Variants in DNAH14 observed in about 807,000 individuals in gnomAD.
DNAH14 encodes axonemal beta dynein heavy chain 14.
Under a neutral mutation model 520.9 loss-of-function variants are expected in DNAH14, and 478 were observed. That is an observed-to-expected ratio of 0.92 (90% confidence interval 0.85 to 0.99). The LOEUF (loss-of-function observed/expected upper bound fraction) is 0.99. Among genes scored for constraint, DNAH14 ranks in the 50% least tolerant of loss-of-function variants. The probability of loss-of-function intolerance (pLI) is 0.00; values close to 1 mark genes in which losing one functional copy is unlikely to be tolerated. For synonymous variants in DNAH14, 1,581 were observed against 1,757.2 expected (o/e 0.90, Z 2.51); for missense variants, 4,831 against 5,234.5 (o/e 0.92, Z 2.38).
chr1:225,268,752 C>A (rs2093209677), intron 49 of DNAH14, among the ~76,000 whole-genome samples: 1 of 152,026 alleles, frequency 6.6e-6, no homozygotes, highest in Non-Finnish European at 1.5e-5. Context: ...AATAAAATAC[C>A]TAGGAATCCA....
rs925245855 is a variant in DNAH14 at position 225,340,648 on chromosome 1, T to C, written c.10625T>C (p.Ile3542Thr). The change falls in exon 69 of 86, where the codon ATA (isoleucine) becomes ACA (threonine). Residue 3542 changes from isoleucine (I) to threonine (T), a missense_variant. By Grantham distance (89) the Ile-to-Thr change is moderately conservative. Coordinates refer to ENST00000682510, the MANE Select transcript of DNAH14 (RefSeq NM_001367479.1). ...CTGGAGAGTATTTCCCTTGATGCCATAACTCTTGAAGAACTAGAGGAAAAA... is the reference window on the plus strand; with the variant it reads ...CTGGAGAGTATTTCCCTTGATGCCACAACTCTTGAAGAACTAGAGGAAAAA... ...KLLESISLDAITLEELEEKTL... is the reference protein window; with the variant it reads ...KLLESISLDATTLEELEEKTL... 1.1e-5 allele frequency: 17 copies of C among 1,551,298 alleles called. No individual in the cohort carries two copies. The Admixed American group carries it at 3.1e-4, about 29-fold the overall frequency.
chr1:225,374,264 A>ATTTT (rs1314928550), intron 77 of DNAH14, among the ~76,000 whole-genome samples: 6 of 66,412 alleles, frequency 9.0e-5, no homozygotes, highest in African/African-American at 2.8e-4. Flanking sequence ...ATATATATAT[A>ATTTT]TATATATTTT....
intron 7 of DNAH14, chr1:224,969,794 A>G (rs1174411645): frequency 6.3e-6 from 1 of 159,018 alleles, no homozygotes; most frequent in South Asian, 2.0e-4. Flanking sequence ...TGAAGATTTC[A>G]TGGATACTTA....
chr1:224,967,034 C>A (rs2061213760), intron 5 of DNAH14, among the ~76,000 whole-genome samples: 1 of 152,062 alleles, frequency 6.6e-6, no homozygotes, highest in Non-Finnish European at 1.5e-5. Flanking sequence ...TTATACCAAA[C>A]CACCATCATT....
intron 42 of DNAH14, among the ~76,000 whole-genome samples, chr1:225,235,512 T>C (rs1372381127): frequency 1.3e-5 from 2 of 152,144 alleles, no homozygotes; most frequent in African/African-American, 2.4e-5. Context: ...TTTTTTGTTA[T>C]ATCTCTGCCA....
In DNAH14 at chr1:225,389,566, A is replaced by G. The variant is rs368972932; in HGVS notation, c.13191-168A>G. Among the ~76,000 whole-genome samples the G allele has an allele frequency of 7.9e-5, 12 of 152,294 alleles. No individual in the cohort carries two copies. The South Asian group carries it at 2.5e-3, about 32-fold the overall frequency. ...CTTTGTGGTCCCCTTTTCCCTCATG[A>G]GCTTAAAACCATAGCTGGCTTCCAT... On this transcript the variant is annotated intron_variant, in intron 82 of 85. Coordinates refer to ENST00000682510, the MANE Select transcript of DNAH14 (RefSeq NM_001367479.1).
chr1:225,393,826 T>G (rs1056338911), intron 84 of DNAH14, among the ~76,000 whole-genome samples: 39 of 127,138 alleles, frequency 3.1e-4, no homozygotes, highest in African/African-American at 8.8e-4. Context: ...TTTTTTTTTG[T>G]TTTTTTTTTT....
At chr1:225,258,251 T>A (rs2092810845) in intron 45 of DNAH14, 133 bp downstream of exon 45, 1 of 869,104 alleles carries the variant, frequency 1.2e-6, no homozygotes, top group African/African-American at 1.8e-5. Flanking sequence ...ATTAATTTAT[T>A]TTCTTACCAG....
chr1:225,198,671 A>G (rs1196404511), intron 38 of DNAH14, among the ~76,000 whole-genome samples: 3 of 152,174 alleles, frequency 2.0e-5, no homozygotes, highest in Non-Finnish European at 4.4e-5. Flanking sequence ...ATGTTAAATC[A>G]TCCCTGCATC....
At chr1:225,059,925 G>A (rs1329573634) in intron 17 of DNAH14, among the ~76,000 whole-genome samples, 1 of 152,150 alleles carries the variant, frequency 6.6e-6, no homozygotes, top group African/African-American at 2.4e-5. Context: ...TCCCTTTGTG[G>A]GTAACCCGAC....
chr1:225,086,131 AATT>A (rs1358073294), intron 21 of DNAH14, among the ~76,000 whole-genome samples: 2 of 147,906 alleles, frequency 1.4e-5, no homozygotes, highest in African/African-American at 4.9e-5. Context: ...TAATAATAAT[AATT>A]ATTATTATTA....
At chr1:225,290,480 A>G (rs1239178669) in intron 55 of DNAH14, among the ~76,000 whole-genome samples, 3 of 151,346 alleles carry the variant, frequency 2.0e-5, no homozygotes, top group Non-Finnish European at 4.4e-5. Context: ...TATGTAATCT[A>G]CAATCTGCTC....
intron 66 of DNAH14, among the ~76,000 whole-genome samples, chr1:225,335,328 CACGTGTGTACATGTGTGTGTATATGCAT>C (rs2094926329): frequency 9.3e-6 from 1 of 107,382 alleles, no homozygotes; most frequent in Non-Finnish European, 1.9e-5. Flanking sequence ...TGCACATATA[CACGTGTGTACATGTGTGTGTATATGCAT>C]ATACACGTGT....
rs374588945 is a variant in DNAH14, at chr1:225,100,961, A to G, written c.3867+77A>G. The G allele has an allele frequency of 2.9e-5, 35 of 1,192,986 alleles. No homozygotes were observed. In the African/African-American group the frequency reaches 4.2e-4, roughly 14 times the overall value. The allele number at this position is 1,192,986 out of a possible 1,614,324, so 73.9% of individuals were successfully genotyped here. On this transcript the variant is annotated intron_variant, in intron 23 of 85. Coordinates refer to ENST00000682510, the MANE Select transcript of DNAH14 (RefSeq NM_001367479.1). Reference sequence around the variant, plus strand: ...AAAGTGATATAATGTAATCTACTGCAGAAGCTAATTCCAGTGCAGATTTTC... The same window carrying G: ...AAAGTGATATAATGTAATCTACTGCGGAAGCTAATTCCAGTGCAGATTTTC...
At chr1:225,371,278 T>A (rs1558550193) in intron 77 of DNAH14, among the ~76,000 whole-genome samples, 1 of 152,144 alleles carries the variant, frequency 6.6e-6, no homozygotes, top group African/African-American at 2.4e-5. Context: ...CAAGTTGGGT[T>A]TATTCCAGTA....
intron 2 of DNAH14, among the ~76,000 whole-genome samples, chr1:224,953,336 G>C (rs2060298879): frequency 1.3e-5 from 2 of 151,874 alleles, no homozygotes; most frequent in South Asian, 2.1e-4. Context: ...ATTTTGGCCA[G>C]GCTGGTCTTG....
intron 3 of DNAH14, 132 bp downstream of exon 3, chr1:224,955,230 C>A: frequency 1.0e-6 from 1 of 960,268 alleles, no homozygotes; most frequent in Non-Finnish European, 1.6e-6. Flanking sequence ...ATTTTACTAA[C>A]TTCATTAGTT....
Position 225,051,786 on chromosome 1 carries a change from T to C in DNAH14, c.2415T>C (p.Asn805=), listed in dbSNP as rs1190837354. 2.0e-6 allele frequency: 3 copies of C among 1,490,752 alleles called. No homozygotes were observed. Among genetic ancestry groups the C allele is most frequent in the Non-Finnish European group, 2.7e-6 (3 of 1,121,774 alleles). 92.3% of individuals were successfully genotyped at this position (1,490,752 alleles called of 1,614,324 possible). ...IQSVIEKKNK[N]LLEVVESSLQ... ...CTGTAATTGAAAAAAAGAACAAAAA[T>C]TTATTGGAAGTAAGTATTTTGAAAA... is the stretch of plus-strand genomic sequence containing the variant. Residue 805 remains asparagine, a synonymous_variant, in exon 17 of 86, where the codon AAT becomes AAC. Coordinates refer to ENST00000682510, the MANE Select transcript of DNAH14 (RefSeq NM_001367479.1).
chr1:224,996,439 G>A (rs2063399605), intron 8 of DNAH14, among the ~76,000 whole-genome samples: 1 of 152,164 alleles, frequency 6.6e-6, no homozygotes, highest in Non-Finnish European at 1.5e-5. Flanking sequence ...GGGATTAGAG[G>A]CATGAGTCAC....
Sources: allele counts gnomAD v4.1 joint callset (sites outside exome capture counted in the v4.1 genomes callset), GRCh38; gene constraint gnomAD v4.1.1; transcripts MANE v1.5; gene names NCBI Gene and HGNC (gene_info 2026-07-23, HGNC 2026-07-21).